The following LDLRAD4 variants were observed in gnomAD, a reference collection of about 807,000 sequenced individuals.
LDLRAD4 encodes low-density lipoprotein receptor class A domain-containing protein 4.
In LDLRAD4, 5 loss-of-function variants were observed where a neutral mutation model predicts 17.0. The ratio of observed to expected loss-of-function variants is 0.29; its 90% confidence interval spans 0.15 to 0.62. LDLRAD4 has a LOEUF of 0.62. Ranked by LOEUF, LDLRAD4 falls within the 20% of genes least tolerant of loss-of-function variation. The pLI, the probability that LDLRAD4 is intolerant of heterozygous loss-of-function variation, is 0.84. For missense variants in LDLRAD4, 340 were observed against 424.7 expected (o/e 0.80, Z 1.75); for synonymous variants, 168 against 171.8 (o/e 0.98, Z 0.17).
rs1399999238 is a variant in LDLRAD4 at position 13,226,200 on chromosome 18, T to TTTTTTTTTTTTTTTTTG, written c.-467+7213_-467+7214insTTTTTTTTTTTTTTTGT. ...CCTTGCTTTTTTTTTTTTTTTTTTT[T>TTTTTTTTTTTTTTTTTG]TGTAGAGACCGGGTTTCGCCATGTT... is the stretch of plus-strand genomic sequence containing the variant. On this transcript the variant is annotated intron_variant, in intron 1 of 5. Transcript: ENST00000399848. 1.3e-4 allele frequency among the ~76,000 whole-genome samples: 19 copies of TTTTTTTTTTTTTTTTTG among 143,286 alleles called. 1 individual carries two copies. Among genetic ancestry groups the TTTTTTTTTTTTTTTTTG allele is most frequent in the Non-Finnish European group, 2.4e-4 (16 of 65,898 alleles). 94.0% of individuals were successfully genotyped at this position (143,286 alleles called of 152,430 possible). A position where few individuals can be genotyped will look rare whatever the true frequency, so the allele number is the denominator to read the frequency against.
chr18:13,555,410 C>G (rs75605068), intron 3 of LDLRAD4, among the ~76,000 whole-genome samples: 342 of 152,236 alleles, frequency 2.2e-3, no homozygotes, highest in African/African-American at 8.1e-3. Flanking sequence ...CCTACCTTCT[C>G]CCTCCTTCCC....
Position 13,368,109 on chromosome 18 carries a change from G to A in LDLRAD4, c.-382-19232G>A, listed in dbSNP as rs535882917. The stretch of plus-strand genomic sequence containing the variant: ...ACCTGGGTATATCTGGGGGTGGTGC[G>A]AGTGAGCCTTTCTAGGAGGCAGCTA... On this transcript the variant is annotated intron_variant, in intron 1 of 5. Transcript: ENST00000359446. 6.6e-5 allele frequency among the ~76,000 whole-genome samples: 10 copies of A among 152,214 alleles called. 1 individual carries two copies. The South Asian group carries it at 2.1e-3, about 32-fold the overall frequency.
In LDLRAD4 at chr18:13,513,962, T is replaced by C. The variant is rs13381190; in HGVS notation, c.181+75578T>C. Among the ~76,000 whole-genome samples, 906 of 152,344 alleles carry C rather than the reference T, an allele frequency of 5.9e-3. 9 individuals are homozygous for C. The highest frequency in any genetic ancestry group is 0.021 in the African/African-American group (871 of 41,578). On this transcript the variant is annotated intron_variant, in intron 3 of 5. Coordinates refer to ENST00000359446, the Ensembl canonical transcript of LDLRAD4. ...CAGCTAGAAGGGCCATAGCTCACCATTGTGGATCAATTCAGGGAACTGGGG... is the reference window on the plus strand; with the variant it reads ...CAGCTAGAAGGGCCATAGCTCACCACTGTGGATCAATTCAGGGAACTGGGG...
rs1175541268 is a variant in LDLRAD4 at position 13,347,662 on chromosome 18, G to T, written c.-382-39679G>T. On this transcript the variant is annotated intron_variant, in intron 1 of 5. Coordinates refer to ENST00000359446, the Ensembl canonical transcript of LDLRAD4. ...AGTTCTTCTGGATAATATCCTGCAG[G>T]GTGTTTTCCAATTTGGTTCCATTCT... Among the ~76,000 whole-genome samples, 6 of 152,174 alleles carry T rather than the reference G, an allele frequency of 3.9e-5. No homozygotes were observed. In the East Asian group the frequency reaches 1.2e-3, roughly 29 times the overall value.
chr18:13,267,797 C>T (rs887828185), intron 1 of LDLRAD4, among the ~76,000 whole-genome samples: 2 of 152,240 alleles, frequency 1.3e-5, no homozygotes, highest in Admixed American at 1.3e-4. Context: ...TGACAGCTTG[C>T]ATGCCATGAG....
At chr18:13,501,724 G>A (rs867658834) in intron 3 of LDLRAD4, among the ~76,000 whole-genome samples, 1 of 150,924 alleles carries the variant, frequency 6.6e-6, no homozygotes, top group African/African-American at 2.4e-5. Flanking sequence ...TGCACAGGAC[G>A]CCTGACACTC....
chr18:13,267,866 T>C (rs2044307473), intron 1 of LDLRAD4, among the ~76,000 whole-genome samples: 1 of 152,214 alleles, frequency 6.6e-6, no homozygotes, highest in East Asian at 1.9e-4. Flanking sequence ...TAAGGTAACA[T>C]GGGCAGACCA....
upstream of LDLRAD4, chr18:13,217,920 C>G (rs1167980635): frequency 6.6e-6 from 1 of 151,030 alleles, no homozygotes; most frequent in Non-Finnish European, 1.5e-5. The surrounding 1 kb of genome is among the most constrained non-coding windows in gnomAD (Gnocchi z 4.9). Context: ...GCGGGGGAGG[C>G]CCGGGGGTGA....
intron 2 of LDLRAD4, among the ~76,000 whole-genome samples, chr18:13,405,582 C>T (rs1484614130): frequency 6.6e-6 from 1 of 151,818 alleles, no homozygotes; most frequent in Non-Finnish European, 1.5e-5. Context: ...AGGCACAAGC[C>T]ACCATGCCTG....
chr18:13,411,570 G>A (rs2088365151), intron 2 of LDLRAD4, among the ~76,000 whole-genome samples: 1 of 152,096 alleles, frequency 6.6e-6, no homozygotes, highest in Admixed American at 6.6e-5. Flanking sequence ...TAGTGAATAA[G>A]TCTCATGTGA....
intron 2 of LDLRAD4, among the ~76,000 whole-genome samples, chr18:13,389,697 C>T (rs902548724): frequency 1.3e-5 from 2 of 152,158 alleles, no homozygotes; most frequent in African/African-American, 4.8e-5. Flanking sequence ...CACCCTGCTG[C>T]ACCTGATGGT....
At chr18:13,618,556 C>T (rs1351022352) in intron 3 of LDLRAD4, among the ~76,000 whole-genome samples, 3 of 152,218 alleles carry the variant, frequency 2.0e-5, no homozygotes, top group African/African-American at 7.2e-5. Flanking sequence ...AGAAAGGTGT[C>T]CTCCAAGGGA....
intron 3 of LDLRAD4, among the ~76,000 whole-genome samples, chr18:13,553,443 C>T (rs1398577112): frequency 3.3e-5 from 5 of 152,038 alleles, no homozygotes; most frequent in South Asian, 2.1e-4. Flanking sequence ...GTCTGTAAAC[C>T]GCCTCTTAAC....
At chr18:13,514,097 A>G (rs2093825811) in intron 3 of LDLRAD4, among the ~76,000 whole-genome samples, 1 of 152,232 alleles carries the variant, frequency 6.6e-6, no homozygotes, top group South Asian at 2.1e-4. Context: ...TTTGTCGTAT[A>G]TGTTAACTCT....
exon 6 of LDLRAD4, chr18:13,652,422 TAAA>T (rs1313684887): frequency 3.9e-5 from 6 of 152,562 alleles, no homozygotes; most frequent in South Asian, 2.1e-4. Flanking sequence ...AGCAATCTAC[TAAA>T]AAAGTACAAC....
chr18:13,304,241 C>T (rs1367404906), intron 1 of LDLRAD4, among the ~76,000 whole-genome samples: 1 of 152,214 alleles, frequency 6.6e-6, no homozygotes, highest in African/African-American at 2.4e-5. Flanking sequence ...CTCCACCTCT[C>T]AGCATCTCTG....
chr18:13,501,600 A>G (rs1406792834), intron 3 of LDLRAD4, among the ~76,000 whole-genome samples: 4 of 150,378 alleles, frequency 2.7e-5, no homozygotes, highest in African/African-American at 9.8e-5. Flanking sequence ...TTTTTTGCAG[A>G]ATCTTGTAGG....
At chr18:13,237,916 TA>T (rs756492237) in intron 1 of LDLRAD4, among the ~76,000 whole-genome samples, 25 of 152,192 alleles carry the variant, frequency 1.6e-4, no homozygotes, top group Non-Finnish European at 3.1e-4. Flanking sequence ...ATCTCGTCTC[TA>T]AAATGGGAGG....
In LDLRAD4 at chr18:13,427,203, CAAAT is replaced by C. The variant is rs201944571; in HGVS notation, c.41-11029_41-11026del. ...CCTTCTCAATAAATAAATAAACAAA[CAAAT>C]AAATAAATAAAACAAAAGGAAAGAA... On this transcript the variant is annotated intron_variant, in intron 2 of 5. Transcript: ENST00000359446. Among the ~76,000 whole-genome samples, 632 of 150,810 alleles carry C rather than the reference CAAAT, an allele frequency of 4.2e-3. 4 individuals carry two copies. Among genetic ancestry groups the C allele is most frequent in the African/African-American group, 0.013 (542 of 41,080 alleles).
Sources: allele counts gnomAD v4.1 joint callset (sites outside exome capture counted in the v4.1 genomes callset), GRCh38; gene constraint gnomAD v4.1.1; non-coding constraint Gnocchi (gnomAD v3.1); transcripts MANE v1.5; gene names NCBI Gene and HGNC (gene_info 2026-07-23, HGNC 2026-07-21).